The following TRIM33 variants were observed in gnomAD, a reference collection of about 807,000 sequenced individuals.
TRIM33 encodes the protein E3 ubiquitin-protein ligase TRIM33.
A neutral mutation model predicts 125.4 loss-of-function variants in TRIM33; 20 were observed. That is an observed-to-expected ratio of 0.16 (90% confidence interval 0.11 to 0.23). TRIM33 has a LOEUF of 0.23. Among genes scored for constraint, TRIM33 ranks in the 10% least tolerant of loss-of-function variants. The pLI, the probability that TRIM33 is intolerant of heterozygous loss-of-function variation, is 1.00. For synonymous variants in TRIM33, 564 were observed against 513.9 expected (o/e 1.10, Z -1.32); for missense variants, 920 against 1,411.4 (o/e 0.65, Z 5.58).
rs956891086 is a variant in TRIM33 at position 114,492,951 on chromosome 1, C to A, written c.526+17600G>T. Among the ~76,000 whole-genome samples the A allele has an allele frequency of 2.0e-5, 3 of 152,300 alleles. No individual in the cohort carries two copies. The East Asian group carries it at 5.8e-4, about 29-fold the overall frequency. On this transcript the variant is annotated intron_variant, in intron 1 of 19. Transcript: ENST00000358465. Reference sequence around the variant, plus strand: ...AAGAATGGATTTGCTAGGTCACATGCTAATTTTATGTTTAACTTTCTGAGG... The same window carrying A: ...AAGAATGGATTTGCTAGGTCACATGATAATTTTATGTTTAACTTTCTGAGG...
At chr1:114,401,323 C>T (rs1320577821) in intron 17 of TRIM33, 66 bp downstream of exon 17, 2 of 1,389,284 alleles carry the variant, frequency 1.4e-6, no homozygotes, top group East Asian at 2.4e-5. Context: ...CGCGCCCGGC[C>T]GCCAGAGCCC....
chr1:114,436,011 G>A lies in TRIM33; in HGVS notation c.924-2278C>T, dbSNP rs556757683. Among the ~76,000 whole-genome samples the A allele has an allele frequency of 1.2e-4, 18 of 148,524 alleles. No individual in the cohort carries two copies. In the South Asian group the frequency reaches 3.2e-3, roughly 27 times the overall value. The stretch of plus-strand genomic sequence containing the variant: ...GCCAAAATGCTAGGATTACAGACAC[G>A]AGCCACCACATCCAGCCCAATTTAA... On this transcript the variant is annotated intron_variant, in intron 4 of 19. Transcript: ENST00000358465.
At chr1:114,430,001 C>T (rs1250654456) in intron 6 of TRIM33, among the ~76,000 whole-genome samples, 7 of 151,868 alleles carry the variant, frequency 4.6e-5, no homozygotes, top group Admixed American at 4.6e-4. Context: ...AATATAAATA[C>T]CTAATATCAC....
Position 114,504,232 on chromosome 1 carries a change from A to G in TRIM33, c.526+6319T>C, listed in dbSNP as rs367723940. 2.0e-4 allele frequency among the ~76,000 whole-genome samples: 30 copies of G among 152,010 alleles called. No individual in the cohort carries two copies. In the East Asian group the frequency reaches 5.0e-3, roughly 26 times the overall value. ...AAGGCTGGAGTACAATGGCACAATCATGGCTCACTGCAGCCTCGACACTCC... is the reference window on the plus strand; with the variant it reads ...AAGGCTGGAGTACAATGGCACAATCGTGGCTCACTGCAGCCTCGACACTCC... On this transcript the variant is annotated intron_variant, in intron 1 of 19. Transcript: ENST00000358465.
At chr1:114,460,436 T>C (rs554369623) in intron 4 of TRIM33, 1 of 152,378 alleles carries the variant, frequency 6.6e-6, no homozygotes, top group African/African-American at 2.4e-5. Flanking sequence ...GAGTCCTTCA[T>C]GCTGAGTTCA....
chr1:114,502,497 G>A (rs930708652), intron 1 of TRIM33, among the ~76,000 whole-genome samples: 19 of 152,046 alleles, frequency 1.2e-4, no homozygotes, highest in African/African-American at 4.1e-4. Flanking sequence ...TTAAAATGAC[G>A]TTTACTTTAT....
intron 1 of TRIM33, among the ~76,000 whole-genome samples, chr1:114,467,575 G>A (rs979967102): frequency 5.3e-5 from 8 of 152,136 alleles, no homozygotes; most frequent in African/African-American, 1.4e-4. Flanking sequence ...AAATTTAGGA[G>A]ACAGCTTTCA....
intron 4 of TRIM33, among the ~76,000 whole-genome samples, chr1:114,443,845 C>A (rs1414209341): frequency 6.7e-6 from 1 of 149,768 alleles, no homozygotes; most frequent in Non-Finnish European, 1.5e-5. Flanking sequence ...CCAGCCTGGG[C>A]AACACAGTGA....
chr1:114,414,987 C>G (rs919249388), intron 11 of TRIM33, among the ~76,000 whole-genome samples: 2 of 108,208 alleles, frequency 1.8e-5, no homozygotes, highest in Non-Finnish European at 3.9e-5. Flanking sequence ...GAGGTAGATT[C>G]TATTTTTTTT....
At chr1:114,488,116 T>C (rs1452407793) in intron 1 of TRIM33, among the ~76,000 whole-genome samples, 1 of 152,034 alleles carries the variant, frequency 6.6e-6, no homozygotes, top group Non-Finnish European at 1.5e-5. Context: ...AATGGTAAAA[T>C]GTCAATACAA....
intron 6 of TRIM33, 28 bp from the exon 7 acceptor site, chr1:114,427,922 G>A: frequency 6.2e-7 from 1 of 1,607,446 alleles, no homozygotes; most frequent in Non-Finnish European, 8.5e-7. Context: ...CTTCGCTGTA[G>A]AATTCCATAT....
chr1:114,433,289 CTT>C (rs1484795661), intron 5 of TRIM33, among the ~76,000 whole-genome samples: 2 of 152,230 alleles, frequency 1.3e-5, no homozygotes, highest in East Asian at 3.9e-4. Flanking sequence ...GTGATACTCT[CTT>C]CTCTATACTG....
chr1:114,398,073 G>A lies in TRIM33; in HGVS notation c.3121-83C>T, dbSNP rs1029286313. On this transcript the variant is annotated intron_variant, in intron 18 of 19. Transcript: ENST00000358465. ...TATGAGACTGCATAGGATTGGCGAC[G>A]AAAAGTCAGCCATACTAGGGAGAAC... The A allele has an allele frequency of 2.4e-5, 34 of 1,444,002 alleles. No homozygotes were observed. The Admixed American group carries it at 3.9e-4, about 16-fold the overall frequency. 89.4% of individuals were successfully genotyped at this position (1,444,002 alleles called of 1,614,324 possible). A position where few individuals can be genotyped will look rare whatever the true frequency, so the allele number is the denominator to read the frequency against.
At chr1:114,405,272 A>C in intron 15 of TRIM33, 138 bp downstream of exon 15, 2 of 641,344 alleles carry the variant, frequency 3.1e-6, no homozygotes, top group Non-Finnish European at 5.4e-6. Context: ...CTGGAAGCTA[A>C]TACCAAAAGA....
At chr1:114,442,202 G>A (rs1360793424) in intron 4 of TRIM33, among the ~76,000 whole-genome samples, 2 of 152,148 alleles carry the variant, frequency 1.3e-5, no homozygotes, top group East Asian at 3.9e-4. Flanking sequence ...TTTGTTGAGT[G>A]AAGTTCAATA....
chr1:114,412,358 T>A (rs1464467263), intron 11 of TRIM33, among the ~76,000 whole-genome samples: 2 of 152,252 alleles, frequency 1.3e-5, no homozygotes, highest in African/African-American at 4.8e-5. Context: ...CAAATGACAT[T>A]AAGGTATAAA....
intron 11 of TRIM33, among the ~76,000 whole-genome samples, chr1:114,411,922 T>C (rs1031691300): frequency 2.6e-5 from 4 of 152,172 alleles, no homozygotes; most frequent in Non-Finnish European, 5.9e-5. Flanking sequence ...CATGGAAATA[T>C]AATTATTATA....
intron 11 of TRIM33, among the ~76,000 whole-genome samples, chr1:114,417,536 T>G (rs1424758641): frequency 1.3e-5 from 2 of 152,172 alleles, no homozygotes; most frequent in Non-Finnish European, 2.9e-5. Context: ...GTCAATACCA[T>G]GTGTTTCCAG....
intron 11 of TRIM33, among the ~76,000 whole-genome samples, chr1:114,413,297 G>A (rs919585277): frequency 2.0e-5 from 3 of 152,038 alleles, no homozygotes; most frequent in African/African-American, 7.2e-5. Flanking sequence ...AGTGGCTCAC[G>A]CCTGTAATCC....
Sources: gnomAD v4.1 joint callset for allele counts (sites outside exome capture counted in the v4.1 genomes callset) on GRCh38, gnomAD v4.1.1 for gene constraint, MANE v1.5 for transcripts, NCBI Gene and HGNC (gene_info 2026-07-23, HGNC 2026-07-21) for gene names.